HHLA1: variants seen among roughly 807,000 people sequenced by gnomAD.
The protein encoded by HHLA1 is HHLA1 neighbor of OC90.
Under a neutral mutation model 69.9 loss-of-function variants are expected in HHLA1, and 72 were observed. The observed-to-expected ratio is 1.03, with a 90% CI of 0.85 to 1.25. The LOEUF (loss-of-function observed/expected upper bound fraction) is 1.25. HHLA1 is among the 50% of genes most tolerant of loss of function. The pLI is 0.00. For missense variants in HHLA1, 685 were observed against 642.2 expected (o/e 1.07, Z -0.72); for synonymous variants, 252 against 233.2 (o/e 1.08, Z -0.73).
Position 132,066,987 on chromosome 8 carries a change from G to A in HHLA1, c.1470-1019C>T, listed in dbSNP as rs1344163166. ...TGGTTCTATAGAGGGACTTTAATAC[G>A]ATGAATCAGTGATAAAGGGCTGAAA... On this transcript the variant is annotated intron_variant, in intron 15 of 16. Transcript: ENST00000414222. Among the ~76,000 whole-genome samples, 10 of 152,256 alleles carry A rather than the reference G, an allele frequency of 6.6e-5. No individual in the cohort carries two copies. In the East Asian group the frequency reaches 1.5e-3, roughly 24 times the overall value.
chr8:132,071,638 A>G, intron 14 of HHLA1, 145 bp from the exon 15 acceptor site: 1 of 702,002 alleles, frequency 1.4e-6, no homozygotes, highest in Non-Finnish European at 2.3e-6. Flanking sequence ...ATTCCTCACC[A>G]TTACCCAATA....
At chr8:132,096,940 G>C (rs996213109) in intron 5 of HHLA1, among the ~76,000 whole-genome samples, 12 of 152,114 alleles carry the variant, frequency 7.9e-5, no homozygotes. Context: ...CTCCCAAAGC[G>C]CTGGGATTAT....
At chr8:132,092,990 A>G (rs927238051) in intron 7 of HHLA1, among the ~76,000 whole-genome samples, 2 of 152,214 alleles carry the variant, frequency 1.3e-5, no homozygotes, top group African/African-American at 4.8e-5. Context: ...ACATGAAAGC[A>G]ATTAACTTCT....
At position 132,077,818 on chromosome 8, in the gene HHLA1, G is replaced by A. The variant is rs1415594671; in HGVS notation, c.1079C>T (p.Thr360Ile). The change falls in exon 12 of 17, where the codon ACC becomes ATC. Residue 360 changes from threonine (T) to isoleucine (I), a missense_variant. Thr to Ile is a moderately conservative substitution (Grantham distance 89). Transcript: ENST00000414222. ...TRSSPPTTAG[T>I]EEAMNTTSLL... ...GCTTGTAGTGTTCATGGCTTCCTCGGTCCCTGCAGTAGTCGGTGGGGAAGA... is the reference window on the plus strand; with the variant it reads ...GCTTGTAGTGTTCATGGCTTCCTCGATCCCTGCAGTAGTCGGTGGGGAAGA... The A allele has an allele frequency of 6.4e-7, 1 of 1,551,504 alleles. No homozygotes were observed. The highest frequency in any genetic ancestry group is 8.7e-7 in the Non-Finnish European group (1 of 1,146,984).
At chr8:132,084,380 GA>G (rs1422827696) in intron 10 of HHLA1, among the ~76,000 whole-genome samples, 2 of 151,994 alleles carry the variant, frequency 1.3e-5, no homozygotes, top group African/African-American at 4.8e-5. Flanking sequence ...GTACTGAGGG[GA>G]CAGGCTGGAG....
At chr8:132,089,463 C>A in intron 8 of HHLA1, 53 bp downstream of exon 8, 1 of 957,258 alleles carries the variant, frequency 1.0e-6, no homozygotes. Flanking sequence ...CATTATCTAC[C>A]ACAACAGATG....
At chr8:132,075,488 A>T (rs901009011) in intron 14 of HHLA1, among the ~76,000 whole-genome samples, 2 of 152,244 alleles carry the variant, frequency 1.3e-5, no homozygotes, top group Non-Finnish European at 2.9e-5. Flanking sequence ...AAACAGAGCT[A>T]CAAACTCAGG....
chr8:132,098,742 T>A, intron 5 of HHLA1, 140 bp downstream of exon 5: 1 of 594,710 alleles, frequency 1.7e-6, no homozygotes, highest in Non-Finnish European at 2.9e-6. Context: ...GACACTGAGC[T>A]CAGCCTATTC....
intron 3 of HHLA1, among the ~76,000 whole-genome samples, chr8:132,102,620 C>T (rs960972716): frequency 1.3e-5 from 2 of 152,206 alleles, no homozygotes. Context: ...CACAATCAAC[C>T]TTGCTTGTGA....
At chr8:132,080,389 AG>A (rs1395917154) in intron 10 of HHLA1, 1 of 324,746 alleles carries the variant, frequency 3.1e-6, no homozygotes, top group Non-Finnish European at 5.9e-6. Flanking sequence ...GGGTAGGTAA[AG>A]GAAAATTACA....
In HHLA1 at chr8:132,081,009, A is replaced by T. The variant is rs1250027634; in HGVS notation, c.677-1043T>A. ...AAAAACAGGTATAAAAGGACTAAGA[A>T]TTGGGAGGACCTAGGACATCTAATT... On this transcript the variant is annotated intron_variant, in intron 10 of 16. Transcript: ENST00000414222. 3.3e-5 allele frequency: 5 copies of T among 152,092 alleles called. No individual in the cohort carries two copies. The South Asian group carries it at 6.2e-4, about 19-fold the overall frequency. 9.4% of individuals were successfully genotyped at this position (152,092 alleles called of 1,614,324 possible).
chr8:132,105,245 A>T lies in HHLA1; in HGVS notation c.21T>A (p.Arg7=). ...CCATGCACAGCTTCATTGAAGGACC[A>T]CGTGACAGGAAGCCCAGCATGCTTG... The part of the protein sequence containing the change: MLGFLS[R]GPSMKLCMGL... The change falls in exon 2 of 17, where the codon CGT becomes CGA. Residue 7 remains arginine (R), a synonymous_variant. Transcript: ENST00000414222. 3 of 1,552,204 alleles carry T rather than the reference A, an allele frequency of 1.9e-6. No homozygotes were observed. The South Asian group carries it at 3.6e-5, about 18-fold the overall frequency.
intron 3 of HHLA1, among the ~76,000 whole-genome samples, chr8:132,102,068 A>T (rs1452221424): frequency 6.6e-6 from 1 of 152,168 alleles, no homozygotes; most frequent in Non-Finnish European, 1.5e-5. Flanking sequence ...ACTATTTTAG[A>T]TACCTCATGA....
Position 132,100,092 on chromosome 8 carries a change from G to A in HHLA1, c.182C>T (p.Ala61Val), listed in dbSNP as rs1399858773. 6.4e-7 allele frequency: 1 copy of A among 1,551,448 alleles called. No homozygotes were observed. Among genetic ancestry groups the A allele is most frequent in the East Asian group, 2.4e-5 (1 of 40,910 alleles). ...GCACTCACCCGTCGTAGCAAGAAAT[G>A]CCACCCCCTTCTCCTTCCTCTCTTC... is the stretch of plus-strand genomic sequence containing the variant. Reference protein sequence around the residue: ...REEERKEKGVAFLATTELPAR... With the variant: ...REEERKEKGVVFLATTELPAR... Residue 61 changes from alanine to valine, a missense_variant, in exon 4 of 17, where the codon GCA becomes GTA. Ala to Val is a moderately conservative substitution (Grantham distance 64, BLOSUM62 0). Coordinates refer to ENST00000414222, the MANE Select transcript of HHLA1 (RefSeq NM_001145095.3).
chr8:132,087,790 AG>A, intron 9 of HHLA1, 51 bp from the exon 10 acceptor site: 1 of 1,542,650 alleles, frequency 6.5e-7, no homozygotes, highest in Non-Finnish European at 8.8e-7. Flanking sequence ...TCTGCTGGAC[AG>A]TTTTGTCTAT....
chr8:132,082,083 G>GAA (rs1563743846), intron 10 of HHLA1, among the ~76,000 whole-genome samples: 9 of 152,202 alleles, frequency 5.9e-5, no homozygotes, highest in African/African-American at 1.9e-4. Context: ...TGGGGGCCAG[G>GAA]TGTGGTATCA....
intron 15 of HHLA1, among the ~76,000 whole-genome samples, chr8:132,071,052 T>A (rs1402737361): frequency 6.6e-6 from 1 of 152,064 alleles, no homozygotes; most frequent in Admixed American, 6.5e-5. Flanking sequence ...ACAACTCCAA[T>A]TCAACTCAAC....
Position 132,087,890 on chromosome 8 carries a change from T to G in HHLA1, c.544A>C (p.Asn182His). ...CAGATGAAGATGCAATCTGATTCAT[T>G]GCTTTGATTCACTGTAAGACAAACG... Reference protein sequence around the residue: ...STSILSVNQSNESDCIFICVM... With the variant: ...STSILSVNQSHESDCIFICVM... The change falls in exon 9 of 17, where the codon AAT becomes CAT. Residue 182 changes from asparagine to histidine, a missense_variant. Physicochemically the swap from Asn to His is moderately conservative, Grantham distance 68. Coordinates refer to ENST00000414222, the MANE Select transcript of HHLA1 (RefSeq NM_001145095.3). 6.4e-7 allele frequency: 1 copy of G among 1,551,268 alleles called. No individual in the cohort carries two copies.
chr8:132,107,957 CAG>C (rs2130903312), intron 1 of HHLA1, among the ~76,000 whole-genome samples: 1 of 152,294 alleles, frequency 6.6e-6, no homozygotes, highest in Admixed American at 6.5e-5. Flanking sequence ...CAGTCTAGGA[CAG>C]GGAGAGAGCC....
Sources: gnomAD v4.1 joint callset for allele counts (sites outside exome capture counted in the v4.1 genomes callset) on GRCh38, gnomAD v4.1.1 for gene constraint, MANE v1.5 for transcripts, NCBI Gene and HGNC (gene_info 2026-07-23, HGNC 2026-07-21) for gene names.